CTNNA2: variants seen among roughly 807,000 people sequenced by gnomAD.
CTNNA2 encodes catenin alpha-2.
In CTNNA2, 42 loss-of-function variants were observed where a neutral mutation model predicts 101.0. The observed-to-expected ratio is 0.42, with a 90% CI of 0.32 to 0.54. The LOEUF is 0.54. Ranked by LOEUF, CTNNA2 falls within the 20% of genes least tolerant of loss-of-function variation. The pLI, the probability that CTNNA2 is intolerant of heterozygous loss-of-function variation, is 0.14. For synonymous variants in CTNNA2, 450 were observed against 456.4 expected (o/e 0.99, Z 0.18); for missense variants, 871 against 1,223.1 (o/e 0.71, Z 4.29).
chr2:79,503,801 A>C (rs1485929930), intron 4 of CTNNA2, among the ~76,000 whole-genome samples: 1 of 152,180 alleles, frequency 6.6e-6, no homozygotes, highest in Admixed American at 6.5e-5. Flanking sequence ...TAATTCTTTC[A>C]TTGAAATGGA....
intron 2 of CTNNA2, among the ~76,000 whole-genome samples, chr2:79,725,894 G>A (rs931671429): frequency 3.0e-4 from 45 of 152,154 alleles, no homozygotes; most frequent in Non-Finnish European, 4.7e-4. Flanking sequence ...AATGATGAGA[G>A]TCCACTGATC....
chr2:79,430,061 G>A (rs568393119), intron 4 of CTNNA2, among the ~76,000 whole-genome samples: 15 of 152,090 alleles, frequency 9.9e-5, no homozygotes, highest in African/African-American at 2.9e-4. Flanking sequence ...AAACAGAAGC[G>A]GAGGAGGACA....
chr2:79,882,001 T>G (rs1030352147), intron 6 of CTNNA2, among the ~76,000 whole-genome samples: 1 of 151,834 alleles, frequency 6.6e-6, no homozygotes, highest in East Asian at 1.9e-4. Flanking sequence ...GGCAGGCCTG[T>G]TGGTAACAAA....
chr2:79,415,585 G>A (rs1678470231), intron 4 of CTNNA2, among the ~76,000 whole-genome samples: 1 of 152,064 alleles, frequency 6.6e-6, no homozygotes, highest in South Asian at 2.1e-4. Context: ...AACTTATTTA[G>A]TATCTTAAGG....
chr2:80,616,774 G>A (rs1236345983), intron 17 of CTNNA2, among the ~76,000 whole-genome samples: 2 of 151,570 alleles, frequency 1.3e-5, no homozygotes, highest in Non-Finnish European at 1.5e-5. Flanking sequence ...ATCTGATCCT[G>A]GCATTGCATC....
At chr2:80,159,805 C>A (rs1017454209) in intron 7 of CTNNA2, among the ~76,000 whole-genome samples, 8 of 152,212 alleles carry the variant, frequency 5.3e-5, no homozygotes, top group African/African-American at 1.9e-4. Context: ...CTTAACAGGA[C>A]CTTTCACAGA....
chr2:79,557,025 A>G (rs960013502), intron 1 of CTNNA2, among the ~76,000 whole-genome samples: 2 of 151,958 alleles, frequency 1.3e-5, no homozygotes, highest in African/African-American at 4.8e-5. Flanking sequence ...TGGGCAGCCT[A>G]TTCTAGATCC....
intron 7 of CTNNA2, among the ~76,000 whole-genome samples, chr2:79,980,182 C>T (rs974073051): frequency 2.6e-5 from 4 of 152,100 alleles, no homozygotes; most frequent in Non-Finnish European, 4.4e-5. Context: ...GTAAACTATG[C>T]AGGAGAAAAG....
chr2:79,923,067 A>G (rs1260069621), intron 7 of CTNNA2, among the ~76,000 whole-genome samples: 2 of 152,148 alleles, frequency 1.3e-5, no homozygotes, highest in East Asian at 3.9e-4. Context: ...GAACCCTGCC[A>G]GCACTCCAAA....
intron 7 of CTNNA2, among the ~76,000 whole-genome samples, chr2:80,171,501 A>C (rs140961427): frequency 6.6e-6 from 1 of 152,212 alleles, no homozygotes; most frequent in Non-Finnish European, 1.5e-5. Context: ...TGTAACAAAG[A>C]AGCCCCCAAA....
At chr2:80,624,469 A>G (rs1453370419) in intron 18 of CTNNA2, among the ~76,000 whole-genome samples, 1 of 151,976 alleles carries the variant, frequency 6.6e-6, no homozygotes, top group Non-Finnish European at 1.5e-5. Context: ...GAGAAGTGGT[A>G]AAAGACCTAA....
chr2:79,403,344 A>G (rs925806777), intron 4 of CTNNA2, among the ~76,000 whole-genome samples: 6 of 151,980 alleles, frequency 3.9e-5, no homozygotes, highest in African/African-American at 1.2e-4. Flanking sequence ...ATCACCTAGA[A>G]CTAAACTGTT....
intron 2 of CTNNA2, among the ~76,000 whole-genome samples, chr2:79,243,443 A>G (rs1400353343): frequency 1.3e-5 from 2 of 152,332 alleles, no homozygotes; most frequent in East Asian, 3.9e-4. Context: ...GGGAGGGGTC[A>G]CAGGATCTGA....
At chr2:79,413,389 C>T (rs767687668) in intron 4 of CTNNA2, among the ~76,000 whole-genome samples, 3 of 151,886 alleles carry the variant, frequency 2.0e-5, no homozygotes, top group Non-Finnish European at 2.9e-5. Context: ...ATAGAATTTT[C>T]CTCTTCTTCC....
intron 9 of CTNNA2, among the ~76,000 whole-genome samples, chr2:80,476,711 C>T (rs1685757722): frequency 6.6e-6 from 1 of 152,146 alleles, no homozygotes; most frequent in African/African-American, 2.4e-5. Context: ...CCCTCTCTTG[C>T]TTTCTGGCCT....
intron 1 of CTNNA2, among the ~76,000 whole-genome samples, chr2:79,610,776 A>G (rs979278960): frequency 1.3e-5 from 2 of 152,134 alleles, no homozygotes; most frequent in Non-Finnish European, 2.9e-5. Context: ...GGTAGTGTGC[A>G]TTATCTTGTT....
chr2:80,295,543 CT>C (rs1675668512), intron 7 of CTNNA2, among the ~76,000 whole-genome samples: 1 of 152,162 alleles, frequency 6.6e-6, no homozygotes, highest in Non-Finnish European at 1.5e-5. Flanking sequence ...TTTTAATTTT[CT>C]GGTTAAGTGA....
chr2:79,470,681 TC>T (rs1473496042), intron 4 of CTNNA2, among the ~76,000 whole-genome samples: 1 of 152,232 alleles, frequency 6.6e-6, no homozygotes, highest in Non-Finnish European at 1.5e-5. Context: ...CATAGATGAA[TC>T]ACTTCTTTGA....
At chr2:79,344,794 T>A (rs1270923386) in intron 3 of CTNNA2, among the ~76,000 whole-genome samples, 5 of 147,122 alleles carry the variant, frequency 3.4e-5, no homozygotes, top group Non-Finnish European at 6.0e-5. Context: ...AGAATCAATT[T>A]CTCAGCTATA....
Sources: gnomAD v4.1 joint callset for allele counts (sites outside exome capture counted in the v4.1 genomes callset) on GRCh38, gnomAD v4.1.1 for gene constraint, MANE v1.5 for transcripts, NCBI Gene and HGNC (gene_info 2026-07-23, HGNC 2026-07-21) for gene names.